GRID2: variants seen among roughly 807,000 people sequenced by gnomAD.
GRID2 encodes the protein glutamate receptor ionotropic, delta-2.
A neutral mutation model predicts 114.8 loss-of-function variants in GRID2; 33 were observed. The ratio of observed to expected loss-of-function variants is 0.29; its 90% CI spans 0.22 to 0.38. The LOEUF (loss-of-function observed/expected upper bound fraction) is 0.38, where lower values mean the gene tolerates loss of function less well. Ranked by LOEUF, GRID2 falls within the 10% of genes least tolerant of loss-of-function variation. GRID2 has a pLI of 1.00. For missense variants in GRID2, 1,184 were observed against 1,257.7 expected, an observed-to-expected ratio of 0.94 and a Z score of 0.89; for synonymous variants, 505 against 449.9, an observed-to-expected ratio of 1.12 and a Z score of -1.55.
At chr4:93,165,527 C>A (rs1439268536) in intron 4 of GRID2, among the ~76,000 whole-genome samples, 2 of 152,058 alleles carry the variant, frequency 1.3e-5, no homozygotes, top group African/African-American at 2.4e-5. Flanking sequence ...AAGGAGGGAA[C>A]TGTTGACAGC....
chr4:93,264,868 T>C (rs1249092047), intron 8 of GRID2, among the ~76,000 whole-genome samples: 1 of 151,212 alleles, frequency 6.6e-6, no homozygotes, highest in Non-Finnish European at 1.5e-5. Context: ...CTGCAACCTC[T>C]GCCTCCCAGA....
At chr4:93,067,335 A>G (rs542973859) in intron 2 of GRID2, among the ~76,000 whole-genome samples, 5 of 152,186 alleles carry the variant, frequency 3.3e-5, no homozygotes, top group South Asian at 4.1e-4. Flanking sequence ...TGTAATTTAT[A>G]AACAAAAGAA....
At chr4:92,817,274 T>C (rs1740976716) in intron 2 of GRID2, among the ~76,000 whole-genome samples, 1 of 152,190 alleles carries the variant, frequency 6.6e-6, no homozygotes, top group South Asian at 2.1e-4. Context: ...CACTGCATTT[T>C]ATCCCCGCTT....
Position 93,577,115 on chromosome 4 carries a change from T to A in GRID2, c.2194-49154T>A, listed in dbSNP as rs989663627. On this transcript the variant is annotated intron_variant, in intron 13 of 15. Coordinates refer to ENST00000282020, the MANE Select transcript of GRID2 (RefSeq NM_001510.4). ...TTTGGTTTAATATAGACAAAGAGTCTGCCATTTCTTCCTTAATTAAGCATG... is the reference window on the plus strand; with the variant it reads ...TTTGGTTTAATATAGACAAAGAGTCAGCCATTTCTTCCTTAATTAAGCATG... 7.9e-5 allele frequency among the ~76,000 whole-genome samples: 12 copies of A among 152,196 alleles called. 1 individual carries two copies. The highest frequency in any genetic ancestry group is 6.3e-3 in the Middle Eastern group (2 of 316).
intron 8 of GRID2, among the ~76,000 whole-genome samples, chr4:93,328,707 T>TTGGATGGATGGATGGA (rs34951218): frequency 1.3e-5 from 2 of 149,706 alleles, no homozygotes; most frequent in African/African-American, 2.5e-5. Context: ...GGATGGATGG[T>TTGGATGGATGGATGGA]TGGATGGATG....
At chr4:93,648,820 T>A (rs996353922) in intron 14 of GRID2, among the ~76,000 whole-genome samples, 3 of 151,980 alleles carry the variant, frequency 2.0e-5, no homozygotes, top group Non-Finnish European at 4.4e-5. Context: ...CCCTTGTATC[T>A]TTTTCTTGCT....
At chr4:93,038,647 C>T (rs1224611774) in intron 2 of GRID2, among the ~76,000 whole-genome samples, 1 of 152,028 alleles carries the variant, frequency 6.6e-6, no homozygotes, top group East Asian at 1.9e-4. Context: ...AAAAATTAGC[C>T]AGGCGTGGTG....
At chr4:93,683,828 T>A (rs995941146) in intron 14 of GRID2, among the ~76,000 whole-genome samples, 1 of 150,584 alleles carries the variant, frequency 6.6e-6, no homozygotes, top group African/African-American at 2.5e-5. Context: ...TTGTCCCATA[T>A]TATTATAAAA....
At chr4:93,185,594 A>G (rs1740325861) in intron 4 of GRID2, among the ~76,000 whole-genome samples, 1 of 152,220 alleles carries the variant, frequency 6.6e-6, no homozygotes, top group Admixed American at 6.5e-5. Context: ...TATCTCTTAA[A>G]AAATGGACTT....
chr4:93,757,693 C>T (rs1461917938), intron 14 of GRID2, among the ~76,000 whole-genome samples: 3 of 152,318 alleles, frequency 2.0e-5, no homozygotes, highest in East Asian at 1.9e-4. Flanking sequence ...CAGTGGCTCA[C>T]GCCTATAATC....
intron 10 of GRID2, among the ~76,000 whole-genome samples, chr4:93,442,479 C>T (rs1372122731): frequency 3.1e-4 from 47 of 151,996 alleles, no homozygotes; most frequent in Non-Finnish European, 8.8e-5. Flanking sequence ...CTTTTTCCCC[C>T]ACTTAGCATT....
At chr4:93,779,922 C>T (rs1455422796) in intron 1 of GRID2, among the ~76,000 whole-genome samples, 1 of 152,180 alleles carries the variant, frequency 6.6e-6, no homozygotes, top group Admixed American at 6.5e-5. Context: ...AGAGAGAACA[C>T]TACATCCTGT....
rs188806497 is a variant in GRID2 at position 92,657,810 on chromosome 4, C to T, written c.244+67524C>T. Among the ~76,000 whole-genome samples the T allele has an allele frequency of 3.1e-3, 465 of 151,808 alleles. 2 individuals carry two copies. Among genetic ancestry groups the T allele is most frequent in the African/African-American group, 0.011 (449 of 41,508 alleles). On this transcript the variant is annotated intron_variant, in intron 2 of 15. Coordinates refer to ENST00000282020, the MANE Select transcript of GRID2 (RefSeq NM_001510.4). ...CCTTTGATAATGGAGTTTCCCTTGT[C>T]ATTCAGAACATTGTCCTTCTATTCA...
In GRID2 at chr4:93,395,629, C is replaced by T. The variant is rs1765255225; in HGVS notation, c.1268C>T (p.Thr423Ile). The change falls in exon 9 of 16, where the codon ACA (threonine) becomes ATA (isoleucine). Residue 423 changes from threonine (T) to isoleucine (I), a missense_variant. Physicochemically the swap from Thr to Ile is moderately conservative, Grantham distance 89. This residue lies in a region of GRID2 where 717 missense variants were observed against 796.9 expected (regional missense o/e 0.90). Transcript: ENST00000282020. ...VRKLGCWNPVTGLNGSLTDKK... is the reference protein window; with the variant it reads ...VRKLGCWNPVIGLNGSLTDKK... The stretch of plus-strand genomic sequence containing the variant: ...CAGCTTGGTTGCTGGAATCCTGTCA[C>T]AGGTCTGAATGGGTCACTGACTGAC... 3.8e-6 allele frequency: 6 copies of T among 1,569,730 alleles called. No homozygotes were observed. In the East Asian group the frequency reaches 9.0e-5, roughly 23 times the overall value.
At chr4:93,312,518 T>G (rs1163923187) in intron 8 of GRID2, among the ~76,000 whole-genome samples, 1 of 152,154 alleles carries the variant, frequency 6.6e-6, no homozygotes, top group Non-Finnish European at 1.5e-5. Context: ...AAAACATCAA[T>G]TGTTTGATTA....
chr4:93,231,821 T>G (rs995147064), intron 7 of GRID2, among the ~76,000 whole-genome samples: 12 of 152,190 alleles, frequency 7.9e-5, no homozygotes, highest in Admixed American at 5.2e-4. Context: ...CCATTGCAAG[T>G]GCTCTCTCAG....
At chr4:93,448,359 A>G (rs1318019085) in intron 10 of GRID2, among the ~76,000 whole-genome samples, 5 of 151,888 alleles carry the variant, frequency 3.3e-5, no homozygotes, top group Non-Finnish European at 7.4e-5. Context: ...AAAACATGCT[A>G]CATAGAAAAA....
rs147824342 is a variant in GRID2, at chr4:92,403,399, T to C, written c.88+98655T>C. On this transcript the variant is annotated intron_variant, in intron 1 of 15. Transcript: ENST00000282020. ...AAGCCTAAACATTTGTAACATTTCA[T>C]TGAAAGTGAGAGACATGGCCAGGCA... 2.5e-3 allele frequency among the ~76,000 whole-genome samples: 377 copies of C among 152,206 alleles called. 3 individuals are homozygous for C. Among genetic ancestry groups the C allele is most frequent in the African/African-American group, 8.4e-3 (350 of 41,548 alleles).
intron 1 of GRID2, among the ~76,000 whole-genome samples, chr4:93,782,463 G>A (rs6827506): frequency 0.048 from 7,266 of 152,164 alleles, 348 homozygotes; most frequent in African/African-American, 0.11. Flanking sequence ...CTGCTTCAAC[G>A]TGAGAGTTCA....
Sources: allele counts gnomAD v4.1 joint callset (sites outside exome capture counted in the v4.1 genomes callset), GRCh38; gene constraint gnomAD v4.1.1; regional missense constraint gnomAD v4.1.1; transcripts MANE v1.5; gene names NCBI Gene and HGNC (gene_info 2026-07-23, HGNC 2026-07-21).